SAMD13: variants seen among roughly 807,000 people sequenced by gnomAD.
The protein encoded by SAMD13 is sterile alpha motif domain-containing protein 13.
SAMD13 carries 9 observed loss-of-function variants against 12.4 expected under a neutral mutation model. The ratio of observed to expected loss-of-function variants is 0.72; its 90% CI spans 0.44 to 1.26. The LOEUF (loss-of-function observed/expected upper bound fraction) is 1.26, where lower values mean the gene tolerates loss of function less well. Among genes scored for constraint, SAMD13 ranks in the 50% most tolerant of loss-of-function variants. SAMD13 has a pLI of 0.00. For synonymous variants in SAMD13, 46 were observed against 45.4 expected, an observed-to-expected ratio of 1.01 and a Z score of -0.05; for missense variants, 84 against 119.6, an observed-to-expected ratio of 0.70 and a Z score of 1.39.
intron 2 of SAMD13, among the ~76,000 whole-genome samples, chr1:84,309,414 A>G (rs1375764978): frequency 6.6e-6 from 1 of 152,206 alleles, no homozygotes; most frequent in Non-Finnish European, 1.5e-5. Context: ...TTGTTGACCT[A>G]AATGACTGTG....
intron 3 of SAMD13, among the ~76,000 whole-genome samples, chr1:84,337,276 A>T (rs1679319527): frequency 6.6e-6 from 1 of 152,102 alleles, no homozygotes; most frequent in African/African-American, 2.4e-5. Flanking sequence ...ATTTCCCTCC[A>T]CACTGCCCTA....
chr1:84,310,749 A>G (rs903638785), intron 2 of SAMD13, among the ~76,000 whole-genome samples: 1 of 152,204 alleles, frequency 6.6e-6, no homozygotes, highest in Non-Finnish European at 1.5e-5. Context: ...TTGCTAACAC[A>G]TGTCAATATT....
intron 2 of SAMD13, among the ~76,000 whole-genome samples, chr1:84,319,843 G>A (rs1558447562): frequency 6.6e-6 from 1 of 152,070 alleles, no homozygotes. Context: ...ATACCTATAC[G>A]GAGGAAAGAA....
At chr1:84,335,705 G>A (rs1227280799) in intron 3 of SAMD13, among the ~76,000 whole-genome samples, 1 of 152,160 alleles carries the variant, frequency 6.6e-6, no homozygotes, top group Non-Finnish European at 1.5e-5. Flanking sequence ...TCCTTATTTA[G>A]CACTCCCTTA....
At chr1:84,321,824 A>G (rs141070633) in intron 2 of SAMD13, among the ~76,000 whole-genome samples, 29 of 152,234 alleles carry the variant, frequency 1.9e-4, no homozygotes, top group African/African-American at 7.0e-4. Context: ...CACTTGGCTT[A>G]CGCTTGTTAT....
chr1:84,307,753 A>C (rs992011733), intron 2 of SAMD13, among the ~76,000 whole-genome samples: 1 of 152,102 alleles, frequency 6.6e-6, no homozygotes, highest in Non-Finnish European at 1.5e-5. Context: ...CCGCATTTAG[A>C]CTGAGGGTAT....
At chr1:84,310,189 C>T (rs911966668) in intron 2 of SAMD13, among the ~76,000 whole-genome samples, 10 of 151,982 alleles carry the variant, frequency 6.6e-5, no homozygotes, top group African/African-American at 2.2e-4. Flanking sequence ...ATGTAATCAA[C>T]ATGACATCAT....
intron 1 of SAMD13, chr1:84,302,582 A>T: frequency 1.4e-6 from 1 of 735,528 alleles, no homozygotes; most frequent in Non-Finnish European, 1.7e-6. Context: ...ACACACCAGC[A>T]CCACCTTTCT....
intron 2 of SAMD13, among the ~76,000 whole-genome samples, chr1:84,320,566 C>T (rs1415683414): frequency 6.6e-6 from 1 of 152,112 alleles, no homozygotes; most frequent in African/African-American, 2.4e-5. Flanking sequence ...TTGCTTCATC[C>T]TCAGGTTTGT....
intron 2 of SAMD13, among the ~76,000 whole-genome samples, chr1:84,314,995 T>C (rs549467131): frequency 0.012 from 1,581 of 133,042 alleles, 19 homozygotes; most frequent in Non-Finnish European, 0.014. Flanking sequence ...CCTCCCTCTC[T>C]CTCTTTCTCT....
At chr1:84,340,218 T>A (rs923623072) in intron 3 of SAMD13, among the ~76,000 whole-genome samples, 1 of 152,244 alleles carries the variant, frequency 6.6e-6, no homozygotes, top group African/African-American at 2.4e-5. Context: ...TAAAATGTGC[T>A]GTATACATAT....
intron 2 of SAMD13, among the ~76,000 whole-genome samples, chr1:84,325,244 A>C (rs1679032085): frequency 1.3e-5 from 2 of 152,162 alleles, no homozygotes; most frequent in Admixed American, 1.3e-4. Context: ...GCAGAGGCTC[A>C]GATCTATGAA....
At chr1:84,299,310 C>T (rs72714713), upstream of SAMD13, among the ~76,000 whole-genome samples, 21,641 of 152,188 alleles carry the variant, frequency 0.14, 1,970 homozygotes, top group Non-Finnish European at 0.2. Flanking sequence ...ACCGCCTCCC[C>T]TCTCCCTATC....
At chr1:84,317,800 C>T (rs1015122040) in intron 2 of SAMD13, among the ~76,000 whole-genome samples, 1 of 152,020 alleles carries the variant, frequency 6.6e-6, no homozygotes, top group Non-Finnish European at 1.5e-5. Flanking sequence ...TGGTAAAATT[C>T]TCCATGAAGC....
chr1:84,339,388 C>T (rs1299566675), intron 3 of SAMD13, among the ~76,000 whole-genome samples: 2 of 151,310 alleles, frequency 1.3e-5, no homozygotes, highest in South Asian at 2.1e-4. Context: ...TTCTTTAATG[C>T]CCTTCAGGCT....
At chr1:84,317,630 T>A (rs1678863570) in intron 2 of SAMD13, among the ~76,000 whole-genome samples, 1 of 152,100 alleles carries the variant, frequency 6.6e-6, no homozygotes, top group Non-Finnish European at 1.5e-5. Context: ...ACATCTATGT[T>A]CAATCAGGGA....
chr1:84,344,186 C>T (rs1156754562), intron 3 of SAMD13, among the ~76,000 whole-genome samples: 1 of 151,952 alleles, frequency 6.6e-6, no homozygotes, highest in Non-Finnish European at 1.5e-5. Context: ...TTAGCCCTTA[C>T]AGTGAGCCAA....
chr1:84,348,632 C>T (rs1374491634), intron 3 of SAMD13, among the ~76,000 whole-genome samples: 4 of 152,168 alleles, frequency 2.6e-5, no homozygotes, highest in African/African-American at 4.8e-5. Context: ...TCAGTGCTTC[C>T]TTTCCAAAAG....
rs965302513 is a variant in SAMD13 at position 84,325,342 on chromosome 1, G to A, written c.54-295G>A. Among the ~76,000 whole-genome samples, 10 of 152,114 alleles carry A rather than the reference G, an allele frequency of 6.6e-5. 1 individual carries two copies. The South Asian group carries it at 8.3e-4, about 13-fold the overall frequency. On this transcript the variant is annotated intron_variant, in intron 2 of 3. Coordinates refer to ENST00000394834, the MANE Select transcript of SAMD13 (RefSeq NM_001134663.2). ...TGTTAGGAAGACAGGAAGAGAGAGC[G>A]GTATGTTGAGGTCATATCGTAAAAG...
Sources: gnomAD v4.1 joint callset for allele counts (sites outside exome capture counted in the v4.1 genomes callset) on GRCh38, gnomAD v4.1.1 for gene constraint, MANE v1.5 for transcripts, NCBI Gene and HGNC (gene_info 2026-07-23, HGNC 2026-07-21) for gene names.